NT5DC4: variants seen among roughly 807,000 people sequenced by gnomAD.
NT5DC4 encodes 5'-nucleotidase domain containing 4.
Under a neutral mutation model 26.6 loss-of-function variants are expected in NT5DC4, and 44 were observed. The ratio of observed to expected loss-of-function variants is 1.65; its 90% CI spans 1.30 to 2.13. NT5DC4 has a LOEUF of 2.13. Among genes scored for constraint, NT5DC4 ranks in the 30% most tolerant of loss-of-function variants. The probability of loss-of-function intolerance (pLI) is 0.00; values close to 1 mark genes in which losing one functional copy is unlikely to be tolerated. For missense variants in NT5DC4, 399 were observed against 228.1 expected, an observed-to-expected ratio of 1.75 and a Z score of -4.83; for synonymous variants, 157 against 86.7, an observed-to-expected ratio of 1.81 and a Z score of -4.51.
intron 15 of NT5DC4, among the ~76,000 whole-genome samples, chr2:112,728,748 GT>G (rs1415406245): frequency 1.3e-5 from 2 of 152,182 alleles, no homozygotes; most frequent in African/African-American, 4.8e-5. Context: ...AGCAAAGTAG[GT>G]TTTATCTTCC....
At chr2:112,741,019 A>C, downstream of NT5DC4, 1 of 1,563,164 alleles carries the variant, frequency 6.4e-7, no homozygotes. Context: ...TGTGTATGTA[A>C]GATCATGAAG....
upstream of NT5DC4, among the ~76,000 whole-genome samples, chr2:112,719,904 TTTTC>T (rs1172710335): frequency 3.0e-5 from 3 of 98,658 alleles, no homozygotes; most frequent in Middle Eastern, 4.7e-3. Flanking sequence ...CTTTCTTTCT[TTTTC>T]TTTCTTTCTT....
rs1239757484 is a variant in NT5DC4 at position 112,725,219 on chromosome 2, C to G, written c.961C>G (p.His321Asp). ...GGGCACCTACACAGGGCCCCACCAG[C>G]ACTGTGCTGTCTACTCTGGAGGTAC... is the stretch of plus-strand genomic sequence containing the variant. ...HVGTYTGPHQ[H>D]CAVYSGGSSD... Residue 321 changes from histidine to aspartate, a missense_variant, in exon 12 of 17, where the codon CAC (histidine) becomes GAC (aspartate). His to Asp is a moderately conservative substitution (Grantham distance 81). Coordinates refer to ENST00000688554, the MANE Select transcript of NT5DC4 (RefSeq NM_001393655.1). 1 of 715,556 alleles carries G rather than the reference C, an allele frequency of 1.4e-6. No homozygotes were observed. The highest frequency in any genetic ancestry group is 1.5e-5 in the South Asian group (1 of 67,568). The allele number at this position is 715,556 out of a possible 1,614,324, so 44.3% of individuals were successfully genotyped here.
At chr2:112,720,204 C>T (rs1393709679), upstream of NT5DC4, among the ~76,000 whole-genome samples, 2 of 122,664 alleles carry the variant, frequency 1.6e-5, no homozygotes, top group East Asian at 2.4e-4. Context: ...TTTCTCCTGC[C>T]TCAGGCTCCC....
rs1217231751 is a variant in NT5DC4 at position 112,725,512 on chromosome 2, TGAGCTGTCCTGG to T, written c.1120_1131del (p.Ser374_Leu377del). 5 of 716,472 alleles carry T rather than the reference TGAGCTGTCCTGG, an allele frequency of 7.0e-6. No homozygotes were observed. Among genetic ancestry groups the T allele is most frequent in the Non-Finnish European group, 1.3e-5 (5 of 384,662 alleles). 44.4% of individuals were successfully genotyped at this position (716,472 alleles called of 1,614,324 possible). ...GCTGGCGGACTTGCCTGGTGGTTCC[TGAGCTGTCCTGG>T]GAGCTGGACATCTGGGCCCAGGAGA... On this transcript the variant is annotated inframe_deletion, in exon 13 of 17. Transcript: ENST00000688554.
At chr2:112,735,275 A>G (rs59512522) in intron 16 of NT5DC4, among the ~76,000 whole-genome samples, 4,966 of 150,396 alleles carry the variant, frequency 0.033, 266 homozygotes, top group African/African-American at 0.12. Flanking sequence ...AACTCCCGAC[A>G]TCAAATGATC....
rs1362449402 is a variant in NT5DC4, at chr2:112,729,700, A to G, written c.1340A>G (p.Gln447Arg). The change falls in exon 16 of 17, where the codon CAG becomes CGG. Residue 447 changes from glutamine to arginine, a missense_variant. Coordinates refer to ENST00000688554, the MANE Select transcript of NT5DC4 (RefSeq NM_001393655.1). ...GCCTCCTGCCTCCTCTCCTGCAACC[A>G]GAGGGTGAGTGGCTGTGGCCGACGA... Reference protein sequence around the residue: ...DPASCLLSCNQRFIKRSHY With the variant: ...DPASCLLSCNRRFIKRSHY 3 of 717,812 alleles carry G rather than the reference A, an allele frequency of 4.2e-6. No homozygotes were observed. The highest frequency in any genetic ancestry group is 7.8e-6 in the Non-Finnish European group (3 of 385,166). 44.5% of individuals were successfully genotyped at this position (717,812 alleles called of 1,614,324 possible).
chr2:112,736,807 CA>C (rs2104820561), intron 16 of NT5DC4: 2 of 152,350 alleles, frequency 1.3e-5, no homozygotes, highest in South Asian at 4.1e-4. Flanking sequence ...CCACGGCATG[CA>C]TATGCCGTAT....
chr2:112,741,341 C>T (rs60954436), downstream of NT5DC4, among the ~76,000 whole-genome samples: 4,978 of 152,228 alleles, frequency 0.033, 273 homozygotes, highest in African/African-American at 0.11. Context: ...TGGCCTTCTA[C>T]CCTTACACCA....
intron 7 of NT5DC4, 71 bp from the exon 8 acceptor site, chr2:112,723,346 TG>T: frequency 1.8e-6 from 1 of 560,516 alleles, no homozygotes; most frequent in Non-Finnish European, 3.2e-6. Context: ...CACAGACATG[TG>T]GGTGGGTACA....
At chr2:112,738,039 T>C (rs1191607670) in intron 16 of NT5DC4, 1 of 152,096 alleles carries the variant, frequency 6.6e-6, no homozygotes, top group Admixed American at 6.6e-5. Context: ...CCTACAACAG[T>C]CTCTGGGGCT....
chr2:112,736,093 A>C (rs1679122529), intron 16 of NT5DC4, among the ~76,000 whole-genome samples: 1 of 152,064 alleles, frequency 6.6e-6, no homozygotes, highest in Non-Finnish European at 1.5e-5. Context: ...ACCACTCTAG[A>C]AGCCAGAAAA....
chr2:112,727,697 G>C (rs1050143045), intron 15 of NT5DC4, among the ~76,000 whole-genome samples: 2 of 152,178 alleles, frequency 1.3e-5, no homozygotes, highest in African/African-American at 2.4e-5. Flanking sequence ...AATGTCCCCC[G>C]GTGAGAGGCC....
At chr2:112,738,785 G>C in intron 16 of NT5DC4, 128 bp from the exon 17 acceptor site, 1 of 1,343,190 alleles carries the variant, frequency 7.4e-7, no homozygotes, top group Non-Finnish European at 1.1e-6. Flanking sequence ...GTCTTATGTT[G>C]GTTCTGAAAC....
Position 112,725,433 on chromosome 2 carries a change from T to C in NT5DC4, c.1034T>C (p.Leu345Pro). 2.8e-6 allele frequency: 2 copies of C among 716,958 alleles called. No individual in the cohort carries two copies. The highest frequency in any genetic ancestry group is 5.2e-6 in the Non-Finnish European group (2 of 384,782). The allele number at this position is 716,958 out of a possible 1,614,324, so 44.4% of individuals were successfully genotyped here. Reference sequence around the variant, plus strand: ...CTTGGGGTTCGGGGGATGGACATCCTGTACATTGGGGACCACATTTTTGGG... The same window carrying C: ...CTTGGGGTTCGGGGGATGGACATCCCGTACATTGGGGACCACATTTTTGGG... ...ELLGVRGMDI[L>P]YIGDHIFGDI... The change falls in exon 13 of 17, where the codon CTG becomes CCG. Residue 345 changes from leucine (L) to proline (P), a missense_variant. Physicochemically the swap from Leu to Pro is moderately conservative, Grantham distance 98. Transcript: ENST00000688554.
intron 16 of NT5DC4, among the ~76,000 whole-genome samples, chr2:112,734,169 A>ATATATGTGTGTGTGTG (rs150412692): frequency 0.11 from 15,179 of 134,674 alleles, 968 homozygotes; most frequent in Non-Finnish European, 0.15. Flanking sequence ...TATTATATAT[A>ATATATGTGTGTGTGTG]TGTGTGTGTG....
intron 16 of NT5DC4, among the ~76,000 whole-genome samples, chr2:112,730,906 C>T (rs952336704): frequency 1.1e-4 from 17 of 152,142 alleles, no homozygotes; most frequent in African/African-American, 3.9e-4. Flanking sequence ...GAGATGGACA[C>T]ACTCCTGTCA....
chr2:112,723,948 C>T (rs1677330767), intron 9 of NT5DC4, 146 bp downstream of exon 9: 1 of 693,820 alleles, frequency 1.4e-6, no homozygotes, highest in Non-Finnish European at 2.7e-6. Flanking sequence ...GACTCCATTT[C>T]TTGGCCTTTC....
intron 16 of NT5DC4, among the ~76,000 whole-genome samples, chr2:112,732,251 C>T (rs981135390): frequency 6.6e-6 from 1 of 152,092 alleles, no homozygotes; most frequent in Non-Finnish European, 1.5e-5. Context: ...TCAGAAGCTT[C>T]CAGGTTTGAC....
Sources: allele counts gnomAD v4.1 joint callset (sites outside exome capture counted in the v4.1 genomes callset), GRCh38; gene constraint gnomAD v4.1.1; transcripts MANE v1.5; gene names NCBI Gene and HGNC (gene_info 2026-07-23, HGNC 2026-07-21).